Variants in PRKD1 observed in about 807,000 individuals in gnomAD.
PRKD1 encodes protein kinase D1.
Under a neutral mutation model 95.9 loss-of-function variants are expected in PRKD1, and 63 were observed. The ratio of observed to expected loss-of-function variants is 0.66; its 90% CI spans 0.54 to 0.81. PRKD1 has a LOEUF of 0.81. Ranked by LOEUF, PRKD1 falls within the 30% of genes least tolerant of loss-of-function variation. The pLI, the probability that PRKD1 is intolerant of heterozygous loss-of-function variation, is 0.00. For synonymous variants in PRKD1, 425 were observed against 423.1 expected (o/e 1.00, Z -0.05); for missense variants, 1,048 against 1,165.3 (o/e 0.90, Z 1.47).
At chr14:29,656,478 C>T (rs1258556142) in intron 4 of PRKD1, 2 of 1,535,506 alleles carry the variant, frequency 1.3e-6, no homozygotes, top group Non-Finnish European at 1.7e-6. Flanking sequence ...GTACCTACCT[C>T]AAAGCCAGGA....
rs1339844712 is a variant in PRKD1 at position 29,632,890 on chromosome 14, G to A, written c.1371C>T (p.Asp457=). The stretch of plus-strand genomic sequence containing the variant: ...TTACCTTGTAGTACCTGCTTCCTGT[G>A]TCATTCTGAAAGAGGGTAATACATT... The part of the protein sequence containing the change: ...DSKCITLFQN[D]TGSRYYKEIP... The change falls in exon 9 of 18, where the codon GAC becomes GAT. Residue 457 remains aspartate (D), a synonymous_variant. Transcript: ENST00000331968. 6.2e-7 allele frequency: 1 copy of A among 1,613,402 alleles called. No individual in the cohort carries two copies.
chr14:29,725,012 G>A (rs1212532899), intron 2 of PRKD1, among the ~76,000 whole-genome samples: 2 of 152,194 alleles, frequency 1.3e-5, no homozygotes, highest in East Asian at 3.9e-4. Context: ...CATTTCTCAG[G>A]GACTGAGTTA....
At position 29,604,096 on chromosome 14, in the gene PRKD1, A is replaced by G. The variant is rs1264367035; in HGVS notation, c.1906-4279T>C. 2.0e-5 allele frequency among the ~76,000 whole-genome samples: 3 copies of G among 152,210 alleles called. No individual in the cohort carries two copies. In the East Asian group the frequency reaches 5.8e-4, roughly 29 times the overall value. On this transcript the variant is annotated intron_variant, in intron 13 of 17. Transcript: ENST00000331968. ...AGAATCAAAAGCTTTTATAAAAGTA[A>G]TATCTCAAGAAAATAAAGAATTGAC... is the stretch of plus-strand genomic sequence containing the variant.
chr14:29,628,187 T>C (rs1322988101), intron 11 of PRKD1, among the ~76,000 whole-genome samples: 1 of 152,350 alleles, frequency 6.6e-6, no homozygotes, highest in East Asian at 1.9e-4. Context: ...CTCAAATTCA[T>C]ATTTGGCTGT....
At chr14:29,853,841 T>C (rs1892399998) in intron 1 of PRKD1, among the ~76,000 whole-genome samples, 1 of 152,174 alleles carries the variant, frequency 6.6e-6, no homozygotes, top group Non-Finnish European at 1.5e-5. Context: ...TGGATGGGTC[T>C]CATGAGATCT....
chr14:29,695,477 T>C (rs566118890), intron 2 of PRKD1, among the ~76,000 whole-genome samples: 3 of 152,140 alleles, frequency 2.0e-5, no homozygotes, highest in South Asian at 4.1e-4. Flanking sequence ...GGAAAGTAGA[T>C]ACAATTTGAT....
intron 2 of PRKD1, 83 bp from the exon 3 acceptor site, chr14:29,666,291 C>T: frequency 5.7e-6 from 8 of 1,404,630 alleles, no homozygotes; most frequent in Non-Finnish European, 7.7e-6. Context: ...ATAAATATGC[C>T]AGTACGGATA....
At chr14:29,912,786 T>C (rs1040932053) in intron 1 of PRKD1, among the ~76,000 whole-genome samples, 1 of 152,258 alleles carries the variant, frequency 6.6e-6, no homozygotes, top group Non-Finnish European at 1.5e-5. Context: ...CTTGAAACTA[T>C]GATACACAGT....
intron 1 of PRKD1, among the ~76,000 whole-genome samples, chr14:29,868,396 G>C (rs189696665): frequency 1.3e-4 from 20 of 152,260 alleles, no homozygotes; most frequent in African/African-American, 4.8e-4. Context: ...AAATCAGTCT[G>C]AATTGTTTTA....
chr14:29,804,390 A>G (rs1259787088), intron 1 of PRKD1, among the ~76,000 whole-genome samples: 1 of 152,278 alleles, frequency 6.6e-6, no homozygotes, highest in Non-Finnish European at 1.5e-5. Context: ...ACTGATACCA[A>G]GAATCATAAC....
At chr14:29,872,732 T>C (rs1187266441) in intron 1 of PRKD1, among the ~76,000 whole-genome samples, 1 of 151,898 alleles carries the variant, frequency 6.6e-6, no homozygotes, top group East Asian at 1.9e-4. Context: ...AGAATATTTC[T>C]ACCTGGTGGT....
chr14:29,887,206 T>C (rs1893741893), intron 1 of PRKD1, among the ~76,000 whole-genome samples: 1 of 152,200 alleles, frequency 6.6e-6, no homozygotes, highest in Admixed American at 6.5e-5. Context: ...AGAGCAACCT[T>C]GACTGCCCTA....
intron 1 of PRKD1, among the ~76,000 whole-genome samples, chr14:29,877,155 G>GA (rs1323583240): frequency 4.0e-5 from 6 of 150,238 alleles, no homozygotes; most frequent in Middle Eastern, 3.5e-3. Context: ...CAGTCTCAAA[G>GA]AAAAAAAAAG....
In PRKD1 at chr14:29,597,696, C is replaced by T; in HGVS notation, c.2229G>A (p.Val743=). Residue 743 remains valine, a synonymous_variant, in exon 16 of 18, where the codon GTG becomes GTA. Coordinates refer to ENST00000331968, the MANE Select transcript of PRKD1 (RefSeq NM_002742.3). ...IIGEKSFRRS[V]VGTPAYLAPE... ...GAGCCAGGTAAGCGGGGGTACCCAC[C>T]ACTGACCTCCGGAAAGACTTCTCTC... 3 of 1,613,980 alleles carry T rather than the reference C, an allele frequency of 1.9e-6. No individual in the cohort carries two copies. The highest frequency in any genetic ancestry group is 2.5e-6 in the Non-Finnish European group (3 of 1,179,946).
At chr14:29,787,569 T>C (rs562865399) in intron 1 of PRKD1, among the ~76,000 whole-genome samples, 1 of 152,240 alleles carries the variant, frequency 6.6e-6, no homozygotes, top group Admixed American at 6.5e-5. Flanking sequence ...GATCCTCTTA[T>C]CATTATATAA....
At chr14:29,604,957 A>G (rs7158279) in intron 13 of PRKD1, among the ~76,000 whole-genome samples, 66,240 of 151,922 alleles carry the variant, frequency 0.44, 15,045 homozygotes, top group African/African-American at 0.55. Flanking sequence ...TTCGCTTGGC[A>G]AATGGCGAAT....
intron 3 of PRKD1, among the ~76,000 whole-genome samples, chr14:29,664,613 C>T (rs1317461430): frequency 6.6e-6 from 1 of 152,102 alleles, no homozygotes; most frequent in East Asian, 1.9e-4. Context: ...TCTTCACAGA[C>T]AGAAATTCAA....
chr14:29,737,178 C>T (rs966683721), intron 1 of PRKD1, among the ~76,000 whole-genome samples: 6 of 150,490 alleles, frequency 4.0e-5, no homozygotes, highest in East Asian at 2.0e-4. Flanking sequence ...AAAAATTAGC[C>T]GGGCGCGGTG....
chr14:29,612,289 A>T (rs957940384), intron 13 of PRKD1, among the ~76,000 whole-genome samples: 6 of 152,202 alleles, frequency 3.9e-5, no homozygotes, highest in African/African-American at 1.4e-4. Flanking sequence ...GTAAAAGGCT[A>T]TGTTTACTTC....
Sources: gnomAD v4.1 joint callset for allele counts (sites outside exome capture counted in the v4.1 genomes callset) on GRCh38, gnomAD v4.1.1 for gene constraint, MANE v1.5 for transcripts, NCBI Gene and HGNC (gene_info 2026-07-23, HGNC 2026-07-21) for gene names.